Variants in KCTD8 observed in about 807,000 individuals in gnomAD.
The protein encoded by KCTD8 is potassium channel tetramerization domain containing 8.
A neutral mutation model predicts 31.5 loss-of-function variants in KCTD8; 27 were observed. That is an observed-to-expected ratio of 0.86 (90% CI 0.63 to 1.18). The LOEUF (loss-of-function observed/expected upper bound fraction) is 1.18. Ranked by LOEUF, KCTD8 falls within the 50% of genes most tolerant of loss-of-function variation. KCTD8 has a pLI of 0.00. For synonymous variants in KCTD8, 290 were observed against 280.0 expected (o/e 1.04, Z -0.36); for missense variants, 658 against 647.7 (o/e 1.02, Z -0.17).
intron 1 of KCTD8, among the ~76,000 whole-genome samples, chr4:44,355,333 C>A (rs2043127575): frequency 6.6e-6 from 1 of 151,976 alleles, no homozygotes; most frequent in Admixed American, 6.6e-5. Flanking sequence ...GTGATAAGGT[C>A]ATTTTTTCAG....
intron 1 of KCTD8, among the ~76,000 whole-genome samples, chr4:44,360,228 C>T (rs1213578951): frequency 6.6e-6 from 1 of 151,908 alleles, no homozygotes; most frequent in Non-Finnish European, 1.5e-5. Context: ...CTGTTTTACA[C>T]ACACCATCCA....
intron 1 of KCTD8, among the ~76,000 whole-genome samples, chr4:44,348,584 T>A (rs1299999795): frequency 6.6e-6 from 1 of 152,226 alleles, no homozygotes; most frequent in African/African-American, 2.4e-5. Flanking sequence ...TTTATTTGTA[T>A]ACTAATTCCT....
At chr4:44,261,253 C>T (rs1432990729) in intron 1 of KCTD8, among the ~76,000 whole-genome samples, 1 of 151,786 alleles carries the variant, frequency 6.6e-6, no homozygotes, top group Non-Finnish European at 1.5e-5. Flanking sequence ...AAGTGTTTGG[C>T]CTTGGATGCA....
chr4:44,409,313 A>AT (rs991141418), intron 1 of KCTD8, among the ~76,000 whole-genome samples: 1 of 151,964 alleles, frequency 6.6e-6, no homozygotes, highest in African/African-American at 2.4e-5. Flanking sequence ...AGGGAATGAC[A>AT]TTTTTTATAT....
At chr4:44,354,756 T>G (rs544485506) in intron 1 of KCTD8, among the ~76,000 whole-genome samples, 1 of 152,262 alleles carries the variant, frequency 6.6e-6, no homozygotes, top group East Asian at 1.9e-4. Context: ...GTAAGCACCA[T>G]GCTGTGTTGC....
chr4:44,343,232 T>C (rs1177489453), intron 1 of KCTD8, among the ~76,000 whole-genome samples: 1 of 152,192 alleles, frequency 6.6e-6, no homozygotes, highest in Non-Finnish European at 1.5e-5. Context: ...ACTTAGAGAC[T>C]GCTGCATGAT....
intron 1 of KCTD8, among the ~76,000 whole-genome samples, chr4:44,297,637 G>A (rs188929589): frequency 6.6e-6 from 1 of 152,100 alleles, no homozygotes; most frequent in Non-Finnish European, 1.5e-5. Flanking sequence ...TATTAATAAT[G>A]TATAAATGAA....
intron 1 of KCTD8, among the ~76,000 whole-genome samples, chr4:44,403,246 T>C (rs796654773): frequency 1.3e-5 from 2 of 152,246 alleles, no homozygotes; most frequent in African/African-American, 4.8e-5. Context: ...CTAACAGTAC[T>C]GTAAAAAGTG....
chr4:44,377,304 C>T (rs1390817632), intron 1 of KCTD8, among the ~76,000 whole-genome samples: 1 of 152,154 alleles, frequency 6.6e-6, no homozygotes, highest in African/African-American at 2.4e-5. Flanking sequence ...GACACTGCAG[C>T]CTGCAAAACT....
At chr4:44,236,018 T>A (rs1715280902) in intron 1 of KCTD8, among the ~76,000 whole-genome samples, 1 of 152,036 alleles carries the variant, frequency 6.6e-6, no homozygotes, top group South Asian at 2.1e-4. Context: ...CAGGGAAGAA[T>A]CCTTACTATC....
rs543348319 is a variant in KCTD8 at position 44,383,501 on chromosome 4, A to T, written c.961+64062T>A. On this transcript the variant is annotated intron_variant, in intron 1 of 1. Transcript: ENST00000360029. ...CAATGGAACAGAACAGAGAACTCAT[A>T]AAAAAATCACATATTTACAGCCAAG... 2.6e-5 allele frequency among the ~76,000 whole-genome samples: 4 copies of T among 152,088 alleles called. No individual in the cohort carries two copies. The East Asian group carries it at 5.9e-4, about 22-fold the overall frequency.
chr4:44,302,407 G>C (rs1364679994), intron 1 of KCTD8, among the ~76,000 whole-genome samples: 1 of 152,104 alleles, frequency 6.6e-6, no homozygotes, highest in Non-Finnish European at 1.5e-5. Flanking sequence ...GCAGTGGTTT[G>C]TAGTTCTCCT....
At chr4:44,379,718 A>G (rs928564749) in intron 1 of KCTD8, among the ~76,000 whole-genome samples, 7 of 152,138 alleles carry the variant, frequency 4.6e-5, no homozygotes, top group African/African-American at 1.7e-4. Flanking sequence ...GAAACACCAT[A>G]TTAAACTAGG....
At chr4:44,175,642 T>C (rs1048259264) in intron 1 of KCTD8, among the ~76,000 whole-genome samples, 3 of 152,218 alleles carry the variant, frequency 2.0e-5, no homozygotes, top group African/African-American at 7.2e-5. Context: ...CTCATTTTTG[T>C]TCTACCCACT....
intron 1 of KCTD8, among the ~76,000 whole-genome samples, chr4:44,337,266 TG>T (rs1231176711): frequency 6.6e-6 from 1 of 152,172 alleles, no homozygotes; most frequent in Admixed American, 6.5e-5. Context: ...CAATTTTAAA[TG>T]GTCAAACCTA....
At chr4:44,185,388 G>C (rs925593744) in intron 1 of KCTD8, among the ~76,000 whole-genome samples, 1 of 152,100 alleles carries the variant, frequency 6.6e-6, no homozygotes, top group African/African-American at 2.4e-5. Flanking sequence ...TATTCTCAAT[G>C]CCATTGCTAA....
intron 1 of KCTD8, among the ~76,000 whole-genome samples, chr4:44,399,402 GT>G (rs1439934336): frequency 6.6e-6 from 1 of 152,126 alleles, no homozygotes; most frequent in Non-Finnish European, 1.5e-5. Flanking sequence ...GGAAATTTTA[GT>G]TTAAATGTAG....
At chr4:44,298,394 C>A (rs1401515947) in intron 1 of KCTD8, among the ~76,000 whole-genome samples, 1 of 151,594 alleles carries the variant, frequency 6.6e-6, no homozygotes, top group Non-Finnish European at 1.5e-5. Flanking sequence ...AACTCCTTCA[C>A]ACTAATGATC....
intron 1 of KCTD8, among the ~76,000 whole-genome samples, chr4:44,196,290 A>C (rs1417281142): frequency 6.6e-6 from 1 of 152,238 alleles, no homozygotes; most frequent in Non-Finnish European, 1.5e-5. Context: ...AAATGTAAAG[A>C]GTTTTAGTAG....
Sources: gnomAD v4.1 joint callset for allele counts (sites outside exome capture counted in the v4.1 genomes callset) on GRCh38, gnomAD v4.1.1 for gene constraint, MANE v1.5 for transcripts, NCBI Gene and HGNC (gene_info 2026-07-23, HGNC 2026-07-21) for gene names.